Variants in EDIL3 observed in about 807,000 individuals in gnomAD.
EDIL3 encodes the protein EGF-like repeat and discoidin I-like domain-containing protein 3.
A neutral mutation model predicts 67.4 loss-of-function variants in EDIL3; 37 were observed. That is an observed-to-expected ratio of 0.55 (90% CI 0.42 to 0.72). The LOEUF (loss-of-function observed/expected upper bound fraction) is 0.72, where lower values mean the gene tolerates loss of function less well. Among genes scored for constraint, EDIL3 ranks in the 30% least tolerant of loss-of-function variants. EDIL3 has a pLI of 0.00. For synonymous variants in EDIL3, 195 were observed against 196.3 expected, an observed-to-expected ratio of 0.99 and a Z score of 0.05; for missense variants, 527 against 586.3, an observed-to-expected ratio of 0.90 and a Z score of 1.04.
At chr5:84,356,130 A>G (rs1278766855) in intron 1 of EDIL3, among the ~76,000 whole-genome samples, 1 of 152,216 alleles carries the variant, frequency 6.6e-6, no homozygotes, top group Non-Finnish European at 1.5e-5. Flanking sequence ...CAAAGTTGCA[A>G]GAGTGTTGGG....
chr5:84,296,113 G>A (rs1746047374), intron 1 of EDIL3, among the ~76,000 whole-genome samples: 1 of 152,162 alleles, frequency 6.6e-6, no homozygotes, highest in African/African-American at 2.4e-5. Flanking sequence ...CTGACACATA[G>A]TAGGTGATTT....
intron 1 of EDIL3, among the ~76,000 whole-genome samples, chr5:84,329,821 C>G (rs988282349): frequency 6.6e-6 from 1 of 151,954 alleles, no homozygotes; most frequent in Non-Finnish European, 1.5e-5. Context: ...ATTGTATTCA[C>G]AACAATACTG....
At chr5:84,096,966 C>T (rs757909994) in intron 6 of EDIL3, among the ~76,000 whole-genome samples, 4 of 152,116 alleles carry the variant, frequency 2.6e-5, no homozygotes, top group South Asian at 2.1e-4. Flanking sequence ...CCACCATCCA[C>T]GTAAATGTCA....
Position 84,064,787 on chromosome 5 carries a change from TG to T in EDIL3, c.864del (p.Ile289Ter), listed in dbSNP as rs2012064281. Reference sequence around the variant, plus strand: ...TAGAGTCTTACATACTGAGCTTTTATGGGGGGTGTGAAAGAGTTAGCATATG... The same window carrying T: ...TAGAGTCTTACATACTGAGCTTTTATGGGGGTGTGAAAGAGTTAGCATATG... ...NTPYANSFTP[P>X]IKAQYVRLYP... On this transcript the variant is annotated frameshift_variant, in exon 8 of 11. Transcript: ENST00000296591. LOFTEE classifies it high-confidence loss of function. 1.2e-6 allele frequency: 2 copies of T among 1,613,816 alleles called. No homozygotes were observed. The highest frequency in any genetic ancestry group is 1.3e-5 in the African/African-American group (1 of 74,930).
At chr5:84,141,105 T>C (rs1650033142) in intron 4 of EDIL3, among the ~76,000 whole-genome samples, 1 of 152,040 alleles carries the variant, frequency 6.6e-6, no homozygotes, top group Admixed American at 6.6e-5. Flanking sequence ...ACATTATCAT[T>C]GCCAGAAAAA....
intron 1 of EDIL3, among the ~76,000 whole-genome samples, chr5:84,279,997 T>C (rs930756345): frequency 1.3e-5 from 2 of 152,208 alleles, no homozygotes; most frequent in Non-Finnish European, 2.9e-5. Flanking sequence ...AAACTGAACA[T>C]TTCCTTTGCT....
intron 10 of EDIL3, among the ~76,000 whole-genome samples, chr5:83,950,397 G>C (rs1337768630): frequency 6.6e-6 from 1 of 151,808 alleles, no homozygotes; most frequent in African/African-American, 2.4e-5. Flanking sequence ...TTTCATCTAA[G>C]TTTTGTTGTC....
intron 4 of EDIL3, among the ~76,000 whole-genome samples, chr5:84,175,340 C>T (rs1262009547): frequency 6.6e-6 from 1 of 152,058 alleles, no homozygotes; most frequent in African/African-American, 2.4e-5. Context: ...TGCCTTACTA[C>T]ACAAAATGTT....
chr5:84,096,069 C>T (rs1747257254), intron 6 of EDIL3, among the ~76,000 whole-genome samples: 1 of 152,170 alleles, frequency 6.6e-6, no homozygotes, highest in African/African-American at 2.4e-5. Context: ...ATGGAAATGC[C>T]TGGATGCCCA....
intron 1 of EDIL3, among the ~76,000 whole-genome samples, chr5:84,337,259 G>A (rs975071959): frequency 1.3e-5 from 2 of 152,158 alleles, no homozygotes; most frequent in African/African-American, 4.8e-5. Flanking sequence ...CAAATCTTGA[G>A]GTGGCCCTCT....
chr5:84,352,952 G>A (rs77703481), intron 1 of EDIL3, among the ~76,000 whole-genome samples: 2,613 of 152,208 alleles, frequency 0.017, 89 homozygotes, highest in African/African-American at 0.06. Flanking sequence ...AACAGCATAG[G>A]TATTGGGGCA....
intron 6 of EDIL3, among the ~76,000 whole-genome samples, chr5:84,069,260 T>C (rs1188173410): frequency 6.6e-6 from 1 of 152,128 alleles, no homozygotes; most frequent in Non-Finnish European, 1.5e-5. Flanking sequence ...TTTGAACAAA[T>C]GGTAGCCTCC....
intron 10 of EDIL3, among the ~76,000 whole-genome samples, chr5:83,945,734 A>G (rs571443482): frequency 6.6e-6 from 1 of 152,098 alleles, no homozygotes; most frequent in South Asian, 2.1e-4. Flanking sequence ...CTGATTTAAT[A>G]TGTGAAAGTC....
At position 83,977,082 on chromosome 5, in the gene EDIL3, T is replaced by G. The variant is rs182108696; in HGVS notation, c.1138-13722A>C. ...TATCGCTTGGTAAAGATACTCAAAA[T>G]TTTTACTTGAAAATATATCTAGGAG... On this transcript the variant is annotated intron_variant, in intron 9 of 10. Coordinates refer to ENST00000296591, the MANE Select transcript of EDIL3 (RefSeq NM_005711.5). 2.6e-5 allele frequency among the ~76,000 whole-genome samples: 4 copies of G among 151,876 alleles called. No individual in the cohort carries two copies. The East Asian group carries it at 5.8e-4, about 22-fold the overall frequency.
chr5:84,034,065 T>C (rs1363901462), intron 9 of EDIL3, among the ~76,000 whole-genome samples: 1 of 152,158 alleles, frequency 6.6e-6, no homozygotes, highest in Non-Finnish European at 1.5e-5. Flanking sequence ...CTGCATGTAA[T>C]TAGAAGACCA....
chr5:84,311,237 T>C (rs1284979719), intron 1 of EDIL3, among the ~76,000 whole-genome samples: 1 of 152,052 alleles, frequency 6.6e-6, no homozygotes, highest in African/African-American at 2.4e-5. Context: ...TAACTTATAT[T>C]AGCTTCAGAA....
intron 1 of EDIL3, among the ~76,000 whole-genome samples, chr5:84,372,005 G>C (rs1415257062): frequency 6.6e-6 from 1 of 152,066 alleles, no homozygotes; most frequent in Admixed American, 6.6e-5. Flanking sequence ...AAGAACTTTA[G>C]AGACTATCTT....
At chr5:83,962,780 C>T (rs1404229154) in intron 10 of EDIL3, among the ~76,000 whole-genome samples, 1 of 151,378 alleles carries the variant, frequency 6.6e-6, no homozygotes, top group African/African-American at 2.4e-5. Flanking sequence ...AAAATAATTT[C>T]ATTAATCTTT....
rs1747443572 is a variant in EDIL3 at position 84,105,456 on chromosome 5, C to T, written c.651+1193G>A. Among the ~76,000 whole-genome samples the T allele has an allele frequency of 2.0e-5, 3 of 152,144 alleles. No homozygotes were observed. In the South Asian group the frequency reaches 6.2e-4, roughly 31 times the overall value. On this transcript the variant is annotated intron_variant, in intron 6 of 10. Transcript: ENST00000296591. ...GGCCCAGTTTTTCAAGTATGGAAGTCTTGCCTCTTAGCCATAAATCAATTT... is the reference window on the plus strand; with the variant it reads ...GGCCCAGTTTTTCAAGTATGGAAGTTTTGCCTCTTAGCCATAAATCAATTT...
Sources: allele counts gnomAD v4.1 joint callset (sites outside exome capture counted in the v4.1 genomes callset), GRCh38; gene constraint gnomAD v4.1.1; transcripts MANE v1.5; gene names NCBI Gene and HGNC (gene_info 2026-07-23, HGNC 2026-07-21).